The following HACL1 variants were observed in gnomAD, a reference collection of about 807,000 sequenced individuals.
The protein encoded by HACL1 is 2-hydroxyacyl-CoA lyase 1, also known as 1600020H07Rik.
HACL1 carries 64 observed loss-of-function variants against 74.2 expected under a neutral mutation model. The observed-to-expected ratio is 0.86, with a 90% CI of 0.70 to 1.06. The LOEUF (loss-of-function observed/expected upper bound fraction) is 1.06, where lower values mean the gene tolerates loss of function less well. Ranked by LOEUF, HACL1 falls within the 50% of genes least tolerant of loss-of-function variation. The pLI is 0.00. For missense variants in HACL1, 728 were observed against 719.7 expected, an observed-to-expected ratio of 1.01 and a Z score of -0.13; for synonymous variants, 230 against 238.8, an observed-to-expected ratio of 0.96 and a Z score of 0.34.
At chr3:15,590,820 C>A (rs149711543) in intron 4 of HACL1, among the ~76,000 whole-genome samples, 4,588 of 152,316 alleles carry the variant, frequency 0.03, 232 homozygotes, top group African/African-American at 0.1. Context: ...GTGGCTCATG[C>A]CTGTAATCCC....
At position 15,575,050 on chromosome 3, in the gene HACL1, A is replaced by G. The variant is rs776718184; in HGVS notation, c.836T>C (p.Phe279Ser). ...TAAAATCCAATTTAGTCTGGCACCA[A>G]ATAACACAATTACATCAGCAAATTG... ...ALQFADVIVLFGARLNWILHF... is the reference protein window; with the variant it reads ...ALQFADVIVLSGARLNWILHF... The change falls in exon 10 of 17, where the codon TTT becomes TCT. Residue 279 changes from phenylalanine (F) to serine (S), a missense_variant. Phe to Ser is a radical substitution (Grantham distance 155). Transcript: ENST00000321169. The G allele has an allele frequency of 2.5e-6, 4 of 1,590,618 alleles. No homozygotes were observed. Among genetic ancestry groups the G allele is most frequent in the Non-Finnish European group, 3.4e-6 (4 of 1,159,816 alleles).
At chr3:15,585,798 G>A (rs2063785338) in intron 6 of HACL1, among the ~76,000 whole-genome samples, 1 of 152,144 alleles carries the variant, frequency 6.6e-6, no homozygotes, top group African/African-American at 2.4e-5. Flanking sequence ...TTATAATACA[G>A]GTTGAGTATC....
At chr3:15,600,435 G>A (rs898211826) in intron 2 of HACL1, among the ~76,000 whole-genome samples, 11 of 152,260 alleles carry the variant, frequency 7.2e-5, no homozygotes, top group Non-Finnish European at 1.2e-4. Flanking sequence ...TGGATTGGCA[G>A]AGGATGCACT....
At position 15,601,460 on chromosome 3, in the gene HACL1, G is replaced by A; in HGVS notation, c.4C>T (p.Pro2Ser). 1 of 1,612,942 alleles carries A rather than the reference G, an allele frequency of 6.2e-7. No homozygotes were observed. M[P>S]DSNFAERSEE... ...CTGCGCTCTGCGAAGTTACTGTCCG[G>A]CATCTTCCACCGAAAAGCTCTAAGC... is the stretch of plus-strand genomic sequence containing the variant. Residue 2 changes from proline to serine, a missense_variant, in exon 1 of 17, where the codon CCG (proline) becomes TCG (serine). Coordinates refer to ENST00000321169, the MANE Select transcript of HACL1 (RefSeq NM_012260.4).
At chr3:15,598,282 A>C (rs2064109170) in intron 2 of HACL1, among the ~76,000 whole-genome samples, 1 of 152,062 alleles carries the variant, frequency 6.6e-6, no homozygotes, top group African/African-American at 2.4e-5. Flanking sequence ...CAGCCTCCCA[A>C]AGTGCTGGGA....
Position 15,567,206 on chromosome 3 carries a change from C to CTTT in HACL1, c.1409+635_1409+637dup, listed in dbSNP as rs34317560. On this transcript the variant is annotated intron_variant, in intron 14 of 16. Coordinates refer to ENST00000321169, the MANE Select transcript of HACL1 (RefSeq NM_012260.4). ...CCATTTGTCCCACAAGCCATGCTGCCTTTTTTTTTTTTTTTTTTTTTTGAG... is the reference window on the plus strand; with the variant it reads ...CCATTTGTCCCACAAGCCATGCTGCCTTTTTTTTTTTTTTTTTTTTTTTTTGAG... Among the ~76,000 whole-genome samples the CTTT allele has an allele frequency of 1.5e-3, 121 of 81,134 alleles. 4 individuals carry two copies. Among genetic ancestry groups the CTTT allele is most frequent in the African/African-American group, 1.9e-3 (42 of 22,442 alleles). The allele number at this position is 81,134 out of a possible 152,430, so 53.2% of individuals were successfully genotyped here.
At chr3:15,564,375 A>G (rs576864322) in intron 15 of HACL1, among the ~76,000 whole-genome samples, 176 bp downstream of exon 15, 2 of 152,340 alleles carry the variant, frequency 1.3e-5, no homozygotes, top group African/African-American at 4.8e-5. Context: ...GCACCTAATC[A>G]TGGATATTTG....
In HACL1 at chr3:15,601,509, G is replaced by A; in HGVS notation, c.-46C>T. 6.2e-7 allele frequency: 1 copy of A among 1,609,624 alleles called. No individual in the cohort carries two copies. The highest frequency in any genetic ancestry group is 8.5e-7 in the Non-Finnish European group (1 of 1,180,010). On this transcript the variant is annotated 5_prime_UTR_variant, in exon 1 of 17. Transcript: ENST00000321169. ...GCACTCACGCAGCCGGCAAACAAGC[G>A]GAATCATCCAGCAAGGCAAACGCGA...
In HACL1 at chr3:15,567,905, T is replaced by C. The variant is rs747401691; in HGVS notation, c.1348A>G (p.Ile450Val). The C allele has an allele frequency of 1.9e-6, 3 of 1,614,150 alleles. No homozygotes were observed. In the Admixed American group the frequency reaches 5.0e-5, roughly 27 times the overall value. Residue 450 changes from isoleucine (I) to valine (V), a missense_variant, in exon 14 of 17, where the codon ATC becomes GTC. Ile to Val is a conservative substitution (Grantham distance 29, BLOSUM62 3). Transcript: ENST00000321169. ...AKDRSPGQWI[I>V]CVEGDSAFGF... ...AATGCACTGTCTCCTTCCACACAGATGATCCATTGCCCAGGGCTTCTATCT... is the reference window on the plus strand; with the variant it reads ...AATGCACTGTCTCCTTCCACACAGACGATCCATTGCCCAGGGCTTCTATCT...
At chr3:15,576,617 ACTAAT>A (rs1441966729) in intron 9 of HACL1, among the ~76,000 whole-genome samples, 1 of 152,142 alleles carries the variant, frequency 6.6e-6, no homozygotes, top group African/African-American at 2.4e-5. Context: ...TGCTGTTATT[ACTAAT>A]CTAATCTAAT....
At chr3:15,598,815 T>C (rs1482058959) in intron 2 of HACL1, among the ~76,000 whole-genome samples, 1 of 152,228 alleles carries the variant, frequency 6.6e-6, no homozygotes, top group African/African-American at 2.4e-5. Flanking sequence ...AAGTCTTCCT[T>C]TGACTACCAT....
Position 15,575,080 on chromosome 3 carries a change from G to A in HACL1, c.806C>T (p.Ala269Val). The change falls in exon 10 of 17, where the codon GCT becomes GTT. Residue 269 changes from alanine to valine, a missense_variant and splice_region_variant. Transcript: ENST00000321169. Reference protein sequence around the residue: ...PYCVGAARSRALQFADVIVLF... With the variant: ...PYCVGAARSRVLQFADVIVLF... The stretch of plus-strand genomic sequence containing the variant: ...CACAATTACATCAGCAAATTGCAAA[G>A]CCCTATTAAAAAAATTGATATGAAA... 1 of 1,514,458 alleles carries A rather than the reference G, an allele frequency of 6.6e-7. No homozygotes were observed. Among genetic ancestry groups the A allele is most frequent in the East Asian group, 2.3e-5 (1 of 44,302 alleles). The allele number at this position is 1,514,458 out of a possible 1,614,324, so 93.8% of individuals were successfully genotyped here.
intron 16 of HACL1, among the ~76,000 whole-genome samples, chr3:15,562,623 G>C (rs2063362296): frequency 6.6e-6 from 1 of 151,996 alleles, no homozygotes. Context: ...CAAACTGTTC[G>C]CACGGAAGAC....
At chr3:15,565,201 T>C (rs1162826523) in intron 14 of HACL1, among the ~76,000 whole-genome samples, 2 of 152,108 alleles carry the variant, frequency 1.3e-5, no homozygotes, top group African/African-American at 4.8e-5. Flanking sequence ...CCTTTAGCTA[T>C]TAGCTATGAA....
chr3:15,591,897 ATACAC>A (rs1353434951), intron 3 of HACL1, among the ~76,000 whole-genome samples: 68 of 150,780 alleles, frequency 4.5e-4, no homozygotes, highest in African/African-American at 1.6e-3. Context: ...TATATAGTGT[ATACAC>A]TATATATGTA....
chr3:15,584,768 C>T (rs892129291), intron 7 of HACL1, among the ~76,000 whole-genome samples: 3 of 152,178 alleles, frequency 2.0e-5, no homozygotes, highest in Admixed American at 6.5e-5. Flanking sequence ...GTGAAAAATG[C>T]TTTTTGTACT....
intron 14 of HACL1, among the ~76,000 whole-genome samples, chr3:15,565,417 T>A (rs749989705): frequency 6.6e-6 from 1 of 152,192 alleles, no homozygotes; most frequent in Non-Finnish European, 1.5e-5. Flanking sequence ...CACAAGTAAC[T>A]AGCACACACA....
chr3:15,596,318 C>T, intron 3 of HACL1, 66 bp downstream of exon 3: 1 of 820,756 alleles, frequency 1.2e-6, no homozygotes, highest in Admixed American at 1.8e-5. Context: ...CATCCTTCAG[C>T]TGAAAGACGT....
chr3:15,570,221 G>C (rs1440413485), intron 12 of HACL1, among the ~76,000 whole-genome samples: 1 of 151,700 alleles, frequency 6.6e-6, no homozygotes. Context: ...TGTAGTCCCA[G>C]CTACTTGGGA....
Sources: gnomAD v4.1 joint callset for allele counts (sites outside exome capture counted in the v4.1 genomes callset) on GRCh38, gnomAD v4.1.1 for gene constraint, MANE v1.5 for transcripts, NCBI Gene and HGNC (gene_info 2026-07-23, HGNC 2026-07-21) for gene names.